The following ZEB1 variants were observed in gnomAD, a reference collection of about 807,000 sequenced individuals.
The protein encoded by ZEB1 is zinc finger E-box binding homeobox 1.
ZEB1 carries 21 observed loss-of-function variants against 84.9 expected under a neutral mutation model. The observed-to-expected ratio is 0.25, with a 90% CI of 0.18 to 0.36. The LOEUF is 0.36. Among genes scored for constraint, ZEB1 ranks in the 10% least tolerant of loss-of-function variants. The pLI is 1.00. For missense variants in ZEB1, 1,104 were observed against 1,330.2 expected (o/e 0.83, Z 2.65); for synonymous variants, 420 against 471.1 (o/e 0.89, Z 1.41).
chr10:31,320,107 C>A (rs1241233149), intron 1 of ZEB1: 1 of 151,638 alleles, frequency 6.6e-6, no homozygotes, highest in Non-Finnish European at 1.5e-5. Context: ...TCCCGCTGCC[C>A]GGCCCAGAGC....
At chr10:31,361,192 C>T (rs1056588414) in intron 1 of ZEB1, 1 of 1,611,856 alleles carries the variant, frequency 6.2e-7, no homozygotes, top group Admixed American at 1.7e-5. Flanking sequence ...CCATCCTGCT[C>T]TCAACTACAA....
In ZEB1 at chr10:31,528,221, A is replaced by G. The variant is rs2073803730; in HGVS notation, c.*957A>G. The G allele has an allele frequency of 6.6e-6, 1 of 152,178 alleles. No individual in the cohort carries two copies. The highest frequency in any genetic ancestry group is 2.4e-5 in the African/African-American group (1 of 41,454). The allele number at this position is 152,178 out of a possible 1,614,324, so 9.4% of individuals were successfully genotyped here. On this transcript the variant is annotated 3_prime_UTR_variant, in exon 9 of 9. Transcript: ENST00000424869. Reference sequence around the variant, plus strand: ...GGCCTACAATAACTAGCATTTGTTGATTTGTCTCTTGTATCAAAATTCCCA... The same window carrying G: ...GGCCTACAATAACTAGCATTTGTTGGTTTGTCTCTTGTATCAAAATTCCCA...
At chr10:31,409,353 C>CTA (rs1241436595) in intron 1 of ZEB1, among the ~76,000 whole-genome samples, 3 of 152,018 alleles carry the variant, frequency 2.0e-5, no homozygotes, top group Admixed American at 2.0e-4. Flanking sequence ...CCTCAGGGAT[C>CTA]TAGAACTAGA....
chr10:31,408,132 C>T (rs925636601), intron 1 of ZEB1, among the ~76,000 whole-genome samples: 1 of 151,810 alleles, frequency 6.6e-6, no homozygotes, highest in East Asian at 1.9e-4. Context: ...CATGAGTGAA[C>T]TCCCATTCAC....
intron 3 of ZEB1, among the ~76,000 whole-genome samples, chr10:31,499,815 A>G (rs1284705611): frequency 2.0e-5 from 3 of 152,170 alleles, no homozygotes; most frequent in Non-Finnish European, 4.4e-5. Flanking sequence ...AAGTATAAGT[A>G]AATACATCTT....
At chr10:31,446,294 G>C (rs1055177189) in intron 1 of ZEB1, among the ~76,000 whole-genome samples, 1 of 152,084 alleles carries the variant, frequency 6.6e-6, no homozygotes, top group Non-Finnish European at 1.5e-5. Context: ...GCGTCTATTT[G>C]ATTCTTCTCT....
At chr10:31,401,070 A>C (rs1451951563) in intron 1 of ZEB1, among the ~76,000 whole-genome samples, 5 of 152,162 alleles carry the variant, frequency 3.3e-5, no homozygotes, top group Non-Finnish European at 7.4e-5. Flanking sequence ...ATAATATGGT[A>C]GGTGATATAT....
At chr10:31,493,114 T>A (rs1372612928) in intron 2 of ZEB1, among the ~76,000 whole-genome samples, 1 of 151,886 alleles carries the variant, frequency 6.6e-6, no homozygotes, top group Non-Finnish European at 1.5e-5. Context: ...TGTTCACCCC[T>A]GTCCCTCTAC....
intron 1 of ZEB1, among the ~76,000 whole-genome samples, chr10:31,383,561 A>G (rs1298672858): frequency 2.0e-5 from 3 of 152,224 alleles, no homozygotes; most frequent in Admixed American, 6.5e-5. Context: ...CTAAATTTTT[A>G]AAAGGTTACA....
At chr10:31,422,111 A>C (rs1434281975) in intron 1 of ZEB1, among the ~76,000 whole-genome samples, 3 of 152,140 alleles carry the variant, frequency 2.0e-5, no homozygotes, top group East Asian at 1.9e-4. Flanking sequence ...CCCACTGACC[A>C]GCATGTATTA....
At chr10:31,464,053 ATAATC>A (rs1279203675) in intron 2 of ZEB1, among the ~76,000 whole-genome samples, 7 of 152,244 alleles carry the variant, frequency 4.6e-5, no homozygotes, top group Non-Finnish European at 7.3e-5. Context: ...TGTTTTAAGA[ATAATC>A]TAATAGAACT....
chr10:31,345,288 A>G (rs899611024), intron 1 of ZEB1, among the ~76,000 whole-genome samples: 1 of 152,138 alleles, frequency 6.6e-6, no homozygotes, highest in Non-Finnish European at 1.5e-5. Context: ...ATAGAAAAAA[A>G]TAGATTGGCA....
At chr10:31,483,334 G>C (rs909139866) in intron 2 of ZEB1, among the ~76,000 whole-genome samples, 1 of 151,866 alleles carries the variant, frequency 6.6e-6, no homozygotes, top group African/African-American at 2.4e-5. Flanking sequence ...GGCTCAGACA[G>C]GTTAAATATC....
chr10:31,458,843 T>C (rs1353474474), intron 1 of ZEB1, among the ~76,000 whole-genome samples: 5 of 152,176 alleles, frequency 3.3e-5, no homozygotes, highest in Non-Finnish European at 7.4e-5. Flanking sequence ...TATGATAGAA[T>C]GCTGTGTAGC....
At chr10:31,488,820 T>G (rs2066099783) in intron 2 of ZEB1, among the ~76,000 whole-genome samples, 1 of 151,286 alleles carries the variant, frequency 6.6e-6, no homozygotes. Context: ...CATCTGGTCA[T>G]TATGATCATA....
At chr10:31,407,365 G>C (rs185559483) in intron 1 of ZEB1, among the ~76,000 whole-genome samples, 1 of 150,784 alleles carries the variant, frequency 6.6e-6, no homozygotes, top group Non-Finnish European at 1.5e-5. Flanking sequence ...TTGTTATTGC[G>C]ATAGTTTACT....
intron 1 of ZEB1, among the ~76,000 whole-genome samples, chr10:31,341,469 A>T (rs2039351921): frequency 6.6e-6 from 1 of 152,156 alleles, no homozygotes; most frequent in African/African-American, 2.4e-5. Flanking sequence ...TAATCAGTTG[A>T]GGAGACAAAC....
intron 1 of ZEB1, among the ~76,000 whole-genome samples, chr10:31,322,588 A>C (rs968837806): frequency 6.6e-6 from 1 of 152,184 alleles, no homozygotes; most frequent in African/African-American, 2.4e-5. Context: ...CAAAGCATCA[A>C]ACCTTGTGTG....
At chr10:31,319,212 A>T, upstream of ZEB1, 1 of 1,597,612 alleles carries the variant, frequency 6.3e-7, no homozygotes, top group Non-Finnish European at 8.5e-7. Flanking sequence ...TGACTCGAGC[A>T]TTTAGACACA....
Sources: allele counts gnomAD v4.1 joint callset (sites outside exome capture counted in the v4.1 genomes callset), GRCh38; gene constraint gnomAD v4.1.1; transcripts MANE v1.5; gene names NCBI Gene and HGNC (gene_info 2026-07-23, HGNC 2026-07-21).